Variants in FILIP1 observed in about 807,000 individuals in gnomAD.
FILIP1 encodes the protein filamin A interacting protein 1.
Under a neutral mutation model 102.1 loss-of-function variants are expected in FILIP1, and 61 were observed. That is an observed-to-expected ratio of 0.60 (90% confidence interval 0.49 to 0.74). The LOEUF (loss-of-function observed/expected upper bound fraction) is 0.74. FILIP1 is among the 30% of genes least tolerant of loss of function. FILIP1 has a pLI of 0.00. For synonymous variants in FILIP1, 491 were observed against 526.9 expected, an observed-to-expected ratio of 0.93 and a Z score of 0.93; for missense variants, 1,314 against 1,441.2, an observed-to-expected ratio of 0.91 and a Z score of 1.43.
At chr6:75,463,193 G>A (rs1205578300) in intron 1 of FILIP1, among the ~76,000 whole-genome samples, 1 of 152,120 alleles carries the variant, frequency 6.6e-6, no homozygotes, top group Non-Finnish European at 1.5e-5. Flanking sequence ...GCTGCTCTCA[G>A]CGCACAAAGT....
chr6:75,443,318 A>G (rs913416278), intron 1 of FILIP1, among the ~76,000 whole-genome samples: 2 of 152,254 alleles, frequency 1.3e-5, no homozygotes, highest in African/African-American at 4.8e-5. Flanking sequence ...AAGCATTAGC[A>G]TTACAAGCAT....
intron 2 of FILIP1, chr6:75,399,231 G>C (rs1029801919): frequency 1.3e-5 from 2 of 152,208 alleles, no homozygotes; most frequent in African/African-American, 4.8e-5. Context: ...GCAGACCTTT[G>C]AAGGGAAACC....
At chr6:75,485,506 A>G (rs1292220562) in intron 1 of FILIP1, among the ~76,000 whole-genome samples, 2 of 152,196 alleles carry the variant, frequency 1.3e-5, no homozygotes, top group East Asian at 3.9e-4. Context: ...GGGATATTCA[A>G]TCCCACTACC....
At chr6:75,353,053 T>C (rs1422707219) in intron 4 of FILIP1, among the ~76,000 whole-genome samples, 2 of 128,504 alleles carry the variant, frequency 1.6e-5, no homozygotes, top group Non-Finnish European at 3.3e-5. Flanking sequence ...CTGGGGCCTG[T>C]CGTGGGGTCA....
In FILIP1 at chr6:75,315,097, G is replaced by C; in HGVS notation, c.735C>G (p.Ser245=). 1 of 1,613,464 alleles carries C rather than the reference G, an allele frequency of 6.2e-7. No homozygotes were observed. Among genetic ancestry groups the C allele is most frequent in the Non-Finnish European group, 8.5e-7 (1 of 1,179,828 alleles). Residue 245 remains serine (S), a synonymous_variant, in exon 5 of 6, where the codon TCC becomes TCG. Transcript: ENST00000237172. Reference sequence around the variant, plus strand: ...TTTCATCCACCAGCATGAGTGCAAAGGATTTGAGTTTAACAAGCTCATCTC... The same window carrying C: ...TTTCATCCACCAGCATGAGTGCAAACGATTTGAGTTTAACAAGCTCATCTC... ...KLRDELVKLK[S]FALMLVDERQ...
At chr6:75,311,918 T>C (rs1773199860) in intron 5 of FILIP1, among the ~76,000 whole-genome samples, 1 of 149,058 alleles carries the variant, frequency 6.7e-6, no homozygotes, top group Non-Finnish European at 1.5e-5. Context: ...GTTTTTGATA[T>C]TAAAATCTTC....
chr6:75,492,934 A>C (rs1780006631), intron 1 of FILIP1, among the ~76,000 whole-genome samples: 1 of 152,210 alleles, frequency 6.6e-6, no homozygotes, highest in South Asian at 2.1e-4. Context: ...AGGCAAAAGG[A>C]GACACATGCA....
chr6:75,319,572 TGTAATC>T (rs1773570588), intron 4 of FILIP1: 4 of 513,342 alleles, frequency 7.8e-6, no homozygotes, highest in South Asian at 6.1e-5. Context: ...GGCTCACGCC[TGTAATC>T]CCAGCACTTT....
At chr6:75,342,790 G>A (rs1236759316) in intron 4 of FILIP1, among the ~76,000 whole-genome samples, 11 of 152,200 alleles carry the variant, frequency 7.2e-5, no homozygotes, top group African/African-American at 2.7e-4. Context: ...CCCTGCCTCA[G>A]CTATTTCCAC....
intron 1 of FILIP1, among the ~76,000 whole-genome samples, chr6:75,427,088 C>T (rs1777652146): frequency 6.6e-6 from 1 of 152,060 alleles, no homozygotes; most frequent in South Asian, 2.1e-4. Context: ...AGGAGGAGAG[C>T]TTGGGAGAAG....
At chr6:75,414,192 T>C (rs1388204466) in intron 2 of FILIP1, among the ~76,000 whole-genome samples, 3 of 151,502 alleles carry the variant, frequency 2.0e-5, no homozygotes, top group Non-Finnish European at 2.9e-5. Flanking sequence ...TTGTAGAATA[T>C]TGAGACTGAA....
intron 2 of FILIP1, among the ~76,000 whole-genome samples, chr6:75,392,785 G>A (rs1017180194): frequency 1.3e-5 from 2 of 152,104 alleles, no homozygotes; most frequent in African/African-American, 4.8e-5. Context: ...TTCCCATGCT[G>A]TTCTCATGAT....
At position 75,403,224 on chromosome 6, in the gene FILIP1, T is replaced by C. The variant is rs185571226; in HGVS notation, c.276+11473A>G. Among the ~76,000 whole-genome samples, 284 of 152,022 alleles carry C rather than the reference T, an allele frequency of 1.9e-3. 1 individual carries two copies. The highest frequency in any genetic ancestry group is 6.6e-3 in the African/African-American group (272 of 41,492). ...GCCTTCAGTGGCCCCTAAAGAAATA[T>C]TGAATAGGGCCAAGTGTAGTTGTTC... On this transcript the variant is annotated intron_variant, in intron 2 of 5. Transcript: ENST00000237172.
chr6:75,397,537 GACACACACACACACACACAC>G (rs59797690), intron 2 of FILIP1, among the ~76,000 whole-genome samples: 2 of 139,046 alleles, frequency 1.4e-5, no homozygotes, highest in South Asian at 2.3e-4. Flanking sequence ...ACACATATAA[GACACACACACACACACACAC>G]ACACACACAC....
intron 4 of FILIP1, among the ~76,000 whole-genome samples, chr6:75,324,996 T>TTGGAAAAAC (rs1169320149): frequency 1.3e-5 from 2 of 152,174 alleles, no homozygotes; most frequent in Non-Finnish European, 2.9e-5. Context: ...GAAGATAACA[T>TTGGAAAAAC]TGGAAAAACT....
intron 4 of FILIP1, chr6:75,319,275 T>G (rs745759271): frequency 1.5e-6 from 1 of 673,886 alleles, no homozygotes; most frequent in African/African-American, 1.8e-5. Flanking sequence ...TTCACACCTG[T>G]CCCAGTTTCT....
At chr6:75,384,191 A>G (rs1402330325) in intron 2 of FILIP1, among the ~76,000 whole-genome samples, 3 of 152,216 alleles carry the variant, frequency 2.0e-5, no homozygotes, top group Non-Finnish European at 4.4e-5. Flanking sequence ...TAATACAAAA[A>G]AAATTCCAAG....
intron 2 of FILIP1, among the ~76,000 whole-genome samples, chr6:75,406,236 T>C (rs1215762615): frequency 6.6e-6 from 1 of 152,158 alleles, no homozygotes; most frequent in Non-Finnish European, 1.5e-5. Context: ...TTATTTGTAG[T>C]CTGTAAATGG....
chr6:75,357,398 C>G (rs1332327537), intron 3 of FILIP1: 1 of 152,266 alleles, frequency 6.6e-6, no homozygotes, highest in Non-Finnish European at 1.5e-5. Context: ...CTTTTTACAT[C>G]TATTCTTGTA....
Sources: allele counts gnomAD v4.1 joint callset (sites outside exome capture counted in the v4.1 genomes callset), GRCh38; gene constraint gnomAD v4.1.1; transcripts MANE v1.5; gene names NCBI Gene and HGNC (gene_info 2026-07-23, HGNC 2026-07-21).